Variants in DENND1B observed in about 807,000 individuals in gnomAD.
The protein encoded by DENND1B is DENN domain-containing protein 1B.
DENND1B carries 59 observed loss-of-function variants against 90.1 expected under a neutral mutation model. That is an observed-to-expected ratio of 0.65 (90% CI 0.53 to 0.81). The LOEUF is 0.81. Among genes scored for constraint, DENND1B ranks in the 40% least tolerant of loss-of-function variants. DENND1B has a pLI of 0.00. For synonymous variants in DENND1B, 337 were observed against 324.6 expected (o/e 1.04, Z -0.41); for missense variants, 862 against 912.6 (o/e 0.94, Z 0.71).
intron 3 of DENND1B, among the ~76,000 whole-genome samples, chr1:197,691,217 G>T (rs1170496483): frequency 6.6e-6 from 1 of 150,756 alleles, no homozygotes; most frequent in African/African-American, 2.4e-5. Context: ...TATGATAAAG[G>T]GTTACTATCC....
chr1:197,588,962 GA>G (rs1453582445), intron 14 of DENND1B, among the ~76,000 whole-genome samples: 1 of 151,686 alleles, frequency 6.6e-6, no homozygotes, highest in Admixed American at 6.6e-5. Flanking sequence ...GATCTGTCTT[GA>G]AAAAAGAAAA....
At chr1:197,678,947 T>TAAA (rs1656370022) in intron 3 of DENND1B, among the ~76,000 whole-genome samples, 1 of 152,180 alleles carries the variant, frequency 6.6e-6, no homozygotes, top group East Asian at 1.9e-4. Context: ...TTTTACGTAG[T>TAAA]GTTTTTGTTA....
chr1:197,657,728 C>T (rs1653993275), intron 6 of DENND1B, among the ~76,000 whole-genome samples: 1 of 152,158 alleles, frequency 6.6e-6, no homozygotes, highest in Admixed American at 6.5e-5. Flanking sequence ...AATTATCTTA[C>T]TACCCAGTAA....
intron 3 of DENND1B, among the ~76,000 whole-genome samples, chr1:197,700,600 A>G (rs1355706159): frequency 2.0e-5 from 3 of 152,230 alleles, no homozygotes. Flanking sequence ...CAAAATTGAT[A>G]AATGAGATGT....
chr1:197,638,797 T>C (rs186278378), intron 10 of DENND1B, among the ~76,000 whole-genome samples: 15 of 152,274 alleles, frequency 9.9e-5, no homozygotes, highest in Admixed American at 9.2e-4. Context: ...AATGTTCTTG[T>C]TCAGGATTAC....
At chr1:197,583,092 C>T in intron 15 of DENND1B, 60 bp downstream of exon 15, 1 of 1,455,288 alleles carries the variant, frequency 6.9e-7, no homozygotes, top group Non-Finnish European at 9.6e-7. Context: ...TATAGTAATA[C>T]AAATGTGTAA....
intron 3 of DENND1B, among the ~76,000 whole-genome samples, chr1:197,674,503 G>A (rs1289458791): frequency 1.3e-5 from 2 of 152,120 alleles, no homozygotes; most frequent in Non-Finnish European, 2.9e-5. Flanking sequence ...TACGTCTGCT[G>A]CTACTTGTAC....
At chr1:197,565,920 T>C (rs1672615801) in intron 15 of DENND1B, among the ~76,000 whole-genome samples, 2 of 150,242 alleles carry the variant, frequency 1.3e-5, no homozygotes, top group Admixed American at 1.3e-4. Context: ...TCCAAGTCTT[T>C]GCTATTGTGA....
chr1:197,635,324 A>G (rs1011623824), intron 10 of DENND1B, among the ~76,000 whole-genome samples: 16 of 151,800 alleles, frequency 1.1e-4, no homozygotes, highest in Non-Finnish European at 1.8e-4. Context: ...GATACACACA[A>G]CCCATGGTTT....
chr1:197,719,674 T>C (rs1660975019), intron 2 of DENND1B, among the ~76,000 whole-genome samples: 1 of 152,146 alleles, frequency 6.6e-6, no homozygotes, highest in Admixed American at 6.5e-5. Context: ...CAAAGTGGCA[T>C]TTCTCTCAAT....
chr1:197,676,513 G>A (rs1656092290), intron 3 of DENND1B, among the ~76,000 whole-genome samples: 2 of 151,984 alleles, frequency 1.3e-5, no homozygotes, highest in African/African-American at 2.4e-5. Context: ...CTCTCCAGAA[G>A]TTATCAATTT....
intron 4 of DENND1B, among the ~76,000 whole-genome samples, chr1:197,673,262 C>T (rs1655709185): frequency 6.6e-6 from 1 of 151,736 alleles, no homozygotes; most frequent in Non-Finnish European, 1.5e-5. Context: ...TAATATGAAA[C>T]GTGTAACTTT....
chr1:197,706,361 T>C (rs553227854), intron 3 of DENND1B, among the ~76,000 whole-genome samples: 1 of 152,274 alleles, frequency 6.6e-6, no homozygotes, highest in Admixed American at 6.5e-5. Flanking sequence ...CTTCAGGATG[T>C]TGCGTTGGGC....
chr1:197,639,228 T>A (rs1680066805), intron 10 of DENND1B, among the ~76,000 whole-genome samples: 1 of 152,076 alleles, frequency 6.6e-6, no homozygotes, highest in African/African-American at 2.4e-5. Context: ...CATGCCTGGC[T>A]AATTTTTGTA....
chr1:197,649,063 G>A (rs1338373739), intron 7 of DENND1B, among the ~76,000 whole-genome samples: 2 of 152,198 alleles, frequency 1.3e-5, no homozygotes, highest in East Asian at 3.9e-4. Flanking sequence ...TGTATGACAA[G>A]AGGTTTCACA....
At chr1:197,679,936 G>A (rs1656503439) in intron 3 of DENND1B, among the ~76,000 whole-genome samples, 1 of 150,814 alleles carries the variant, frequency 6.6e-6, no homozygotes, top group African/African-American at 2.4e-5. Context: ...GATTGCTTGA[G>A]CCAAGGAGTT....
At chr1:197,576,830 A>G (rs1208213687) in intron 15 of DENND1B, among the ~76,000 whole-genome samples, 1 of 152,178 alleles carries the variant, frequency 6.6e-6, no homozygotes, top group Non-Finnish European at 1.5e-5. Context: ...TCCAATTTGA[A>G]TCTTTATCAT....
At position 197,672,021 on chromosome 1, in the gene DENND1B, T is replaced by C; in HGVS notation, c.296+16A>G. 1 of 1,602,970 alleles carries C rather than the reference T, an allele frequency of 6.2e-7. No individual in the cohort carries two copies. Among genetic ancestry groups the C allele is most frequent in the Non-Finnish European group, 8.5e-7 (1 of 1,175,318 alleles). ...TACCTATTTTGCATCTAATTTTTTT[T>C]ACTACAAATACTCACCTAAGGATGC... On this transcript the variant is annotated intron_variant, in intron 5 of 22. Transcript: ENST00000620048.
In DENND1B at chr1:197,506,519, A is replaced by C. The variant is rs1259687511; in HGVS notation, c.*3941T>G. On this transcript the variant is annotated 3_prime_UTR_variant, in exon 23 of 23. Coordinates refer to ENST00000620048, the MANE Select transcript of DENND1B (RefSeq NM_001195215.2). Reference sequence around the variant, plus strand: ...TGTCAAACAAAATGGAATTTGTATAAGAAAATTTATTCATGAAAATAATCA... The same window carrying C: ...TGTCAAACAAAATGGAATTTGTATACGAAAATTTATTCATGAAAATAATCA... 1 of 151,606 alleles carries C rather than the reference A, an allele frequency of 6.6e-6. No individual in the cohort carries two copies. Among genetic ancestry groups the C allele is most frequent in the African/African-American group, 2.4e-5 (1 of 41,386 alleles). The allele number at this position is 151,606 out of a possible 1,614,324, so 9.4% of individuals were successfully genotyped here.
Sources: gnomAD v4.1 joint callset for allele counts (sites outside exome capture counted in the v4.1 genomes callset) on GRCh38, gnomAD v4.1.1 for gene constraint, MANE v1.5 for transcripts, NCBI Gene and HGNC (gene_info 2026-07-23, HGNC 2026-07-21) for gene names.